Variants in TNIK observed in about 807,000 individuals in gnomAD.
The protein encoded by TNIK is TRAF2 and NCK-interacting protein kinase.
TNIK carries 49 observed loss-of-function variants against 191.3 expected under a neutral mutation model. The observed-to-expected ratio is 0.26, with a 90% CI of 0.20 to 0.32. The LOEUF is 0.32. Among genes scored for constraint, TNIK ranks in the 10% least tolerant of loss-of-function variants. TNIK has a pLI of 1.00. For missense variants in TNIK, 1,155 were observed against 1,702.3 expected, an observed-to-expected ratio of 0.68 and a Z score of 5.66; for synonymous variants, 594 against 600.9, an observed-to-expected ratio of 0.99 and a Z score of 0.17.
chr3:171,059,790 T>G lies in TNIK; in HGVS notation c.*4091A>C, dbSNP rs925114281. On this transcript the variant is annotated 3_prime_UTR_variant, in exon 33 of 33. Coordinates refer to ENST00000436636, the MANE Select transcript of TNIK (RefSeq NM_015028.4). ...TATGTAGTCTCAGGGGAGGTCAGTT[T>G]TTGGTTGGTTGGTTATGTTTTGCTT... Among the ~76,000 whole-genome samples, 14 of 152,260 alleles carry G rather than the reference T, an allele frequency of 9.2e-5. No homozygotes were observed. Among genetic ancestry groups the G allele is most frequent in the African/African-American group, 1.4e-4 (6 of 41,552 alleles).
At chr3:171,300,170 T>C (rs1032611361) in intron 2 of TNIK, among the ~76,000 whole-genome samples, 14 of 152,164 alleles carry the variant, frequency 9.2e-5, no homozygotes, top group African/African-American at 3.4e-4. Flanking sequence ...TCCAGAAAAA[T>C]ACACGCTGGG....
intron 21 of TNIK, 116 bp from the exon 22 acceptor site, chr3:171,101,749 T>C: frequency 2.1e-6 from 2 of 967,450 alleles, no homozygotes; most frequent in African/African-American, 1.7e-5. Context: ...TATATAGAAC[T>C]GTGACAAACA....
At chr3:171,386,782 G>A (rs1373821954) in intron 1 of TNIK, among the ~76,000 whole-genome samples, 2 of 152,146 alleles carry the variant, frequency 1.3e-5, no homozygotes, top group African/African-American at 4.8e-5. Context: ...CCAGTCACTT[G>A]CTAATTACAA....
At chr3:171,287,600 A>G (rs1325182647) in intron 2 of TNIK, among the ~76,000 whole-genome samples, 4 of 152,242 alleles carry the variant, frequency 2.6e-5, no homozygotes, top group Non-Finnish European at 5.9e-5. Context: ...TTACAGTGAT[A>G]TGGCTTTAAA....
chr3:171,426,298 C>T (rs1000397242), intron 1 of TNIK, among the ~76,000 whole-genome samples: 24 of 151,240 alleles, frequency 1.6e-4, no homozygotes, highest in African/African-American at 4.4e-4. Flanking sequence ...AGCAAACTAT[C>T]GCAAGGACAA....
intron 1 of TNIK, among the ~76,000 whole-genome samples, chr3:171,447,887 C>T (rs1727700679): frequency 6.6e-6 from 1 of 152,114 alleles, no homozygotes; most frequent in Admixed American, 6.5e-5. Context: ...TCCATCTCCA[C>T]AACAAAATGC....
intron 1 of TNIK, among the ~76,000 whole-genome samples, chr3:171,377,904 C>G (rs1717478962): frequency 6.6e-6 from 1 of 152,154 alleles, no homozygotes; most frequent in Admixed American, 6.5e-5. Context: ...GGATTCAAAT[C>G]CAGGTATTTT....
At position 171,190,797 on chromosome 3, in the gene TNIK, T is replaced by A; in HGVS notation, c.418-10A>T. The A allele has an allele frequency of 6.3e-7, 1 of 1,578,208 alleles. No individual in the cohort carries two copies. On this transcript the variant is annotated splice_polypyrimidine_tract_variant and intron_variant, in intron 5 of 32. Transcript: ENST00000436636. The stretch of plus-strand genomic sequence containing the variant: ...GCAGGTGACTCAGCCCCTGGAGTGA[T>A]GGAGAGTTAAGAAGGGTTAATAGGA...
rs146026334 is a variant in TNIK at position 171,442,478 on chromosome 3, C to T, written c.57+17529G>A. 3.0e-3 allele frequency among the ~76,000 whole-genome samples: 457 copies of T among 152,302 alleles called. 4 individuals are homozygous for T. Among genetic ancestry groups the T allele is most frequent in the Non-Finnish European group, 4.6e-3 (310 of 68,022 alleles). The stretch of plus-strand genomic sequence containing the variant: ...CACAGAGGGACACCCAGCCTTCAAA[C>T]CCCTTCAACAGACTCTTTCAATCTA... On this transcript the variant is annotated intron_variant, in intron 1 of 32. Transcript: ENST00000436636.
At chr3:171,449,678 T>C (rs1727939965) in intron 1 of TNIK, among the ~76,000 whole-genome samples, 1 of 152,230 alleles carries the variant, frequency 6.6e-6, no homozygotes, top group African/African-American at 2.4e-5. Flanking sequence ...GAGAATTCTT[T>C]TTATTTTTTC....
chr3:171,452,576 C>A (rs73879572), intron 1 of TNIK, among the ~76,000 whole-genome samples: 3 of 152,068 alleles, frequency 2.0e-5, no homozygotes, highest in Non-Finnish European at 2.9e-5. Flanking sequence ...TCTCTCTACC[C>A]GCTCACTGCC....
At chr3:171,427,930 T>C (rs1008033370) in intron 1 of TNIK, among the ~76,000 whole-genome samples, 6 of 151,992 alleles carry the variant, frequency 3.9e-5, no homozygotes, top group African/African-American at 1.5e-4. Flanking sequence ...CACTCCTACG[T>C]GAGAGGACGC....
chr3:171,074,454 A>G (rs1719631148), intron 28 of TNIK, among the ~76,000 whole-genome samples: 1 of 152,158 alleles, frequency 6.6e-6, no homozygotes, highest in Non-Finnish European at 1.5e-5. Context: ...AAGCCTCACC[A>G]TTATGCAATA....
chr3:171,070,431 G>A (rs576275869), intron 29 of TNIK, among the ~76,000 whole-genome samples: 1 of 152,188 alleles, frequency 6.6e-6, no homozygotes, highest in South Asian at 2.1e-4. Flanking sequence ...ACATAAAGAA[G>A]TAGACAGACA....
At chr3:171,196,729 C>T (rs541102619) in intron 4 of TNIK, among the ~76,000 whole-genome samples, 6 of 152,108 alleles carry the variant, frequency 3.9e-5, no homozygotes, top group South Asian at 4.2e-4. Flanking sequence ...ATTCTGAATA[C>T]GGACTTAGAT....
chr3:171,098,117 T>C (rs34685200), intron 22 of TNIK, among the ~76,000 whole-genome samples: 56,265 of 151,682 alleles, frequency 0.37, 12,018 homozygotes, highest in East Asian at 0.64. Flanking sequence ...TCCAAAGGTA[T>C]AGCATAGAAA....
At chr3:171,104,881 A>G (rs2108474299) in intron 21 of TNIK, among the ~76,000 whole-genome samples, 1 of 151,000 alleles carries the variant, frequency 6.6e-6, no homozygotes, top group East Asian at 1.9e-4. Flanking sequence ...TTTGATGCCC[A>G]CATACTAATA....
chr3:171,191,689 C>T (rs1315346023), intron 5 of TNIK, among the ~76,000 whole-genome samples: 1 of 152,106 alleles, frequency 6.6e-6, no homozygotes, highest in Non-Finnish European at 1.5e-5. Context: ...TTAGTTTATG[C>T]TAGTTTATGC....
intron 2 of TNIK, among the ~76,000 whole-genome samples, chr3:171,315,659 A>T (rs1366335787): frequency 6.6e-6 from 1 of 152,166 alleles, no homozygotes; most frequent in Non-Finnish European, 1.5e-5. Flanking sequence ...AAGAAGAAAC[A>T]GTTCCATGCC....
Sources: allele counts gnomAD v4.1 joint callset (sites outside exome capture counted in the v4.1 genomes callset), GRCh38; gene constraint gnomAD v4.1.1; transcripts MANE v1.5; gene names NCBI Gene and HGNC (gene_info 2026-07-23, HGNC 2026-07-21).